Variants in DIAPH2 observed in about 807,000 individuals in gnomAD.
DIAPH2 encodes diaphanous related formin 2.
DIAPH2 carries 35 observed loss-of-function variants against 92.7 expected under a neutral mutation model. The observed-to-expected ratio is 0.38, with a 90% CI of 0.29 to 0.50. DIAPH2 has a LOEUF of 0.50. Among genes scored for constraint, DIAPH2 ranks in the 20% least tolerant of loss-of-function variants. DIAPH2 has a pLI of 0.94. For synonymous variants in DIAPH2, 301 were observed against 280.4 expected (o/e 1.07, Z -0.73); for missense variants, 701 against 819.5 (o/e 0.86, Z 1.77).
chrX:97,498,998 G>A (rs2070777908), intron 26 of DIAPH2, among the ~76,000 whole-genome samples: 1 of 111,316 alleles, frequency 9.0e-6, no homozygotes, highest in South Asian at 3.9e-4. Context: ...CTAGAGACTA[G>A]ATAGCCAGCT....
At chrX:97,387,565 A>G (rs1168728249) in intron 25 of DIAPH2, among the ~76,000 whole-genome samples, 4 of 111,826 alleles carry the variant, frequency 3.6e-5, no homozygotes, top group Non-Finnish European at 7.5e-5. Flanking sequence ...TCAGGCCCTC[A>G]ACTGATTGGA....
chrX:97,534,030 G>A (rs952258410), intron 26 of DIAPH2, among the ~76,000 whole-genome samples: 6 of 110,751 alleles, frequency 5.4e-5, no homozygotes, highest in Non-Finnish European at 1.1e-4. Context: ...CAATACTTAT[G>A]TTCACAGTCA....
intron 22 of DIAPH2, among the ~76,000 whole-genome samples, chrX:97,195,648 A>T (rs1465137109): frequency 2.1e-5 from 2 of 96,853 alleles, no homozygotes; most frequent in Admixed American, 2.3e-4. Context: ...GCGATAGAGC[A>T]AGACTCCGTC....
intron 26 of DIAPH2, among the ~76,000 whole-genome samples, chrX:97,527,167 GAA>G (rs1308405368): frequency 1.8e-5 from 2 of 112,122 alleles, no homozygotes; most frequent in Non-Finnish European, 3.8e-5. Context: ...ACTTGGTTCT[GAA>G]AAACTGTGAT....
intron 22 of DIAPH2, among the ~76,000 whole-genome samples, chrX:97,223,449 A>G: frequency 9.0e-6 from 1 of 111,501 alleles, no homozygotes; most frequent in South Asian, 3.8e-4. Context: ...GTTTTTGGGT[A>G]GAAAATGGTA....
chrX:97,321,377 TA>T (rs972276673), intron 23 of DIAPH2, among the ~76,000 whole-genome samples: 2 of 110,397 alleles, frequency 1.8e-5, no homozygotes, highest in Non-Finnish European at 3.8e-5. Flanking sequence ...ATTATTATCA[TA>T]ATGTTATTTT....
intron 21 of DIAPH2, among the ~76,000 whole-genome samples, chrX:97,120,464 G>T (rs957395424): frequency 7.3e-4 from 80 of 109,932 alleles, no homozygotes; most frequent in African/African-American, 2.5e-3. Flanking sequence ...TATCCCTGCA[G>T]TCGTTTTGGA....
intron 17 of DIAPH2, among the ~76,000 whole-genome samples, chrX:97,030,026 A>C (rs1025582352): frequency 2.7e-5 from 3 of 111,556 alleles, no homozygotes; most frequent in Non-Finnish European, 5.6e-5. Context: ...ACCGACCACC[A>C]TTACCTTCTC....
intron 1 of DIAPH2, among the ~76,000 whole-genome samples, chrX:96,734,627 C>T (rs2064075509): frequency 1.8e-5 from 2 of 111,272 alleles, no homozygotes; most frequent in South Asian, 7.5e-4. Context: ...GTGATGAAGA[C>T]ATGGTATAGA....
chrX:97,208,417 G>C (rs2067814791), intron 22 of DIAPH2, among the ~76,000 whole-genome samples: 1 of 112,029 alleles, frequency 8.9e-6, no homozygotes, highest in African/African-American at 3.2e-5. Flanking sequence ...CTGCAATTTA[G>C]ATTGTAAGAA....
intron 26 of DIAPH2, among the ~76,000 whole-genome samples, chrX:97,504,846 C>T (rs1364318445): frequency 8.9e-6 from 1 of 111,744 alleles, no homozygotes; most frequent in Non-Finnish European, 1.9e-5. Flanking sequence ...GAGTGTGTTC[C>T]CAAAGGATGA....
intron 10 of DIAPH2, among the ~76,000 whole-genome samples, chrX:96,931,558 T>G (rs1439397455): frequency 9.1e-6 from 1 of 109,771 alleles, no homozygotes; most frequent in Non-Finnish European, 1.9e-5. Context: ...AGAATATACC[T>G]GAGAGACAAG....
At chrX:97,039,727 C>T (rs2066435639) in intron 17 of DIAPH2, among the ~76,000 whole-genome samples, 1 of 111,448 alleles carries the variant, frequency 9.0e-6, no homozygotes, top group Admixed American at 9.6e-5. Context: ...AGCTCACTCT[C>T]ATCGTACATC....
chrX:96,993,443 G>T (rs1454306865), intron 17 of DIAPH2, among the ~76,000 whole-genome samples: 1 of 112,185 alleles, frequency 8.9e-6, no homozygotes, highest in African/African-American at 3.2e-5. Context: ...TCTGCTTTGG[G>T]GAAGGCCTCA....
chrX:96,928,881 A>C (rs1460128108), intron 9 of DIAPH2, among the ~76,000 whole-genome samples: 2 of 111,551 alleles, frequency 1.8e-5, no homozygotes, highest in African/African-American at 3.2e-5. Flanking sequence ...TTAAAGTTAT[A>C]TTGATACATT....
chrX:97,275,736 C>T (rs1429002776), intron 23 of DIAPH2, among the ~76,000 whole-genome samples: 5 of 107,946 alleles, frequency 4.6e-5, no homozygotes, highest in African/African-American at 6.8e-5. Flanking sequence ...CGGGCAGAGA[C>T]GCTCCTCACT....
chrX:96,882,728 A>C (rs2065221973), intron 5 of DIAPH2, among the ~76,000 whole-genome samples: 1 of 109,940 alleles, frequency 9.1e-6, no homozygotes, highest in Non-Finnish European at 1.9e-5. Flanking sequence ...GGGCTGAGGC[A>C]AGTGGATCGC....
intron 26 of DIAPH2, among the ~76,000 whole-genome samples, chrX:97,543,886 C>T (rs1472134551): frequency 9.0e-6 from 1 of 111,637 alleles, no homozygotes; most frequent in African/African-American, 3.3e-5. Flanking sequence ...AATGTCTCTA[C>T]ATATTTTGAC....
chrX:97,266,462 C>T (rs1328278926), intron 23 of DIAPH2, among the ~76,000 whole-genome samples: 2 of 111,934 alleles, frequency 1.8e-5, no homozygotes, highest in African/African-American at 6.5e-5. Flanking sequence ...AGTGCAGTGA[C>T]TGTCATCATC....
Sources: allele counts gnomAD v4.1 joint callset (sites outside exome capture counted in the v4.1 genomes callset), GRCh38; gene constraint gnomAD v4.1.1; transcripts MANE v1.5; gene names NCBI Gene and HGNC (gene_info 2026-07-23, HGNC 2026-07-21).